TASP1: variants seen among roughly 807,000 people sequenced by gnomAD.
TASP1 encodes the protein threonine aspartase 1.
In TASP1, 16 loss-of-function variants were observed where a neutral mutation model predicts 56.6. The observed-to-expected ratio is 0.28, with a 90% CI of 0.19 to 0.43. The LOEUF (loss-of-function observed/expected upper bound fraction) is 0.43. Among genes scored for constraint, TASP1 ranks in the 20% least tolerant of loss-of-function variants. The probability of loss-of-function intolerance (pLI) is 1.00; values close to 1 mark genes in which losing one functional copy is unlikely to be tolerated. For synonymous variants in TASP1, 179 were observed against 184.2 expected (o/e 0.97, Z 0.23); for missense variants, 393 against 511.6 (o/e 0.77, Z 2.24).
the TASP1 span, among the ~76,000 whole-genome samples, chr20:13,127,198 T>C: frequency 8.5e-5 from 13 of 152,236 alleles, no homozygotes; most frequent in Admixed American, 4.6e-4. Context: ...TCCAGCCATT[T>C]CTTTGTCAGT....
intron 4 of TASP1, among the ~76,000 whole-genome samples, chr20:13,601,650 A>G: frequency 6.6e-6 from 1 of 152,134 alleles, no homozygotes; most frequent in Non-Finnish European, 1.5e-5. Flanking sequence ...TGAGGTACCT[A>G]TACTGACTTC....
intron 5 of TASP1, among the ~76,000 whole-genome samples, chr20:13,585,865 T>G (rs2047283339): frequency 6.6e-6 from 1 of 152,178 alleles, no homozygotes; most frequent in South Asian, 2.1e-4. Context: ...CCAGGCACAG[T>G]GGCTCACGCC....
At chr20:13,250,813 A>G in the TASP1 span, among the ~76,000 whole-genome samples, 1 of 152,232 alleles carries the variant, frequency 6.6e-6, no homozygotes, top group Non-Finnish European at 1.5e-5. Context: ...CCCACACACC[A>G]TCAAAATGAA....
intron 11 of TASP1, among the ~76,000 whole-genome samples, chr20:13,456,285 G>A (rs1282421290): frequency 6.6e-6 from 1 of 152,094 alleles, no homozygotes; most frequent in East Asian, 1.9e-4. Context: ...GAGACCATCA[G>A]CCAAAGCTTT....
chr20:13,201,289 T>C, the TASP1 span, among the ~76,000 whole-genome samples: 2 of 151,948 alleles, frequency 1.3e-5, no homozygotes, highest in Non-Finnish European at 2.9e-5. Context: ...AAAGAGATGA[T>C]AGAGACCTGG....
chr20:13,464,544 T>C (rs901513012), intron 11 of TASP1, among the ~76,000 whole-genome samples: 6 of 152,154 alleles, frequency 3.9e-5, no homozygotes, highest in Non-Finnish European at 8.8e-5. Context: ...AAATGTAGTA[T>C]ATACATGCAA....
At chr20:13,465,406 C>T (rs549321931) in intron 11 of TASP1, among the ~76,000 whole-genome samples, 2 of 152,148 alleles carry the variant, frequency 1.3e-5, no homozygotes, top group South Asian at 4.1e-4. Flanking sequence ...CTCCGGAAAA[C>T]AACTCTGTGG....
At chr20:13,137,930 C>T in the TASP1 span, among the ~76,000 whole-genome samples, 3 of 152,132 alleles carry the variant, frequency 2.0e-5, no homozygotes, top group African/African-American at 2.4e-5. Context: ...AGCTCATCTC[C>T]CAGAACAGGT....
chr20:13,110,547 C>T, the TASP1 span, among the ~76,000 whole-genome samples: 1 of 152,132 alleles, frequency 6.6e-6, no homozygotes, highest in African/African-American at 2.4e-5. Flanking sequence ...CTGGGTTATT[C>T]AAGATCAAAA....
intron 4 of TASP1, among the ~76,000 whole-genome samples, chr20:13,590,023 G>C (rs2047462044): frequency 6.6e-6 from 1 of 152,018 alleles, no homozygotes. Context: ...CTTGAGGCCA[G>C]GACTTCAAAA....
At chr20:13,453,953 GA>G (rs2043727720) in intron 11 of TASP1, among the ~76,000 whole-genome samples, 2 of 151,954 alleles carry the variant, frequency 1.3e-5, no homozygotes, top group Admixed American at 1.3e-4. Flanking sequence ...GAGGAAGAAG[GA>G]AGATTGGAAA....
At chr20:13,598,512 C>T (rs1174625299) in intron 4 of TASP1, among the ~76,000 whole-genome samples, 6 of 152,160 alleles carry the variant, frequency 3.9e-5, no homozygotes, top group South Asian at 2.1e-4. Flanking sequence ...CCCTTCCTTA[C>T]ACCTTATATA....
At chr20:13,260,598 T>A in the TASP1 span, among the ~76,000 whole-genome samples, 1 of 149,864 alleles carries the variant, frequency 6.7e-6, no homozygotes, top group African/African-American at 2.5e-5. Context: ...TGGAATAAAG[T>A]GGAGTTTTTT....
the TASP1 span, among the ~76,000 whole-genome samples, chr20:13,311,927 A>G: frequency 6.6e-6 from 1 of 152,004 alleles, no homozygotes; most frequent in African/African-American, 2.4e-5. Flanking sequence ...CTGAGAGTCT[A>G]TTTTAAATAT....
the TASP1 span, among the ~76,000 whole-genome samples, chr20:13,303,288 T>C: frequency 6.6e-6 from 1 of 152,154 alleles, no homozygotes; most frequent in Admixed American, 6.5e-5. Flanking sequence ...CTGCCTTTGC[T>C]TAGATTGTTC....
At chr20:13,399,635 T>C (rs183112757) in intron 13 of TASP1, among the ~76,000 whole-genome samples, 75 of 152,318 alleles carry the variant, frequency 4.9e-4, no homozygotes, top group Non-Finnish European at 2.6e-4. Flanking sequence ...TCACCACCTG[T>C]GTGGATAATG....
the TASP1 span, among the ~76,000 whole-genome samples, chr20:13,205,655 C>T: frequency 6.6e-6 from 1 of 152,172 alleles, no homozygotes; most frequent in Non-Finnish European, 1.5e-5. Flanking sequence ...TTCATGAGGG[C>T]TTCACCCTCA....
chr20:13,491,064 AATAGAATTTAAAAGTTT>A lies in TASP1; in HGVS notation c.875-7744_875-7728del, dbSNP rs541013341. Among the ~76,000 whole-genome samples, 76 of 152,306 alleles carry A rather than the reference AATAGAATTTAAAAGTTT, an allele frequency of 5.0e-4. 3 individuals carry two copies. The South Asian group carries it at 0.016, about 32-fold the overall frequency. On this transcript the variant is annotated intron_variant, in intron 10 of 13. Coordinates refer to ENST00000337743, the MANE Select transcript of TASP1 (RefSeq NM_017714.3). Reference sequence around the variant, plus strand: ...AACAATCATCACTGAGAGAGCCTAAAATAGAATTTAAAAGTTTATCCTTTGCCTTGTAATTCTAAATG... The same window carrying A: ...AACAATCATCACTGAGAGAGCCTAAAATCCTTTGCCTTGTAATTCTAAATG...
chr20:13,110,302 A>G, the TASP1 span: 63 of 1,136,538 alleles, frequency 5.5e-5, no homozygotes, highest in Non-Finnish European at 7.4e-5. Context: ...TCCTAGCTAA[A>G]CAGAGAAATG....
Sources: gnomAD v4.1 joint callset for allele counts (sites outside exome capture counted in the v4.1 genomes callset) on GRCh38, gnomAD v4.1.1 for gene constraint, MANE v1.5 for transcripts, NCBI Gene and HGNC (gene_info 2026-07-23, HGNC 2026-07-21) for gene names.